WDPCP: variants seen among roughly 807,000 people sequenced by gnomAD.
The protein encoded by WDPCP is WD repeat containing planar cell polarity effector, also known as WD repeat-containing and planar cell polarity effector protein fritz homolog.
A neutral mutation model predicts 93.1 loss-of-function variants in WDPCP; 71 were observed. The observed-to-expected ratio is 0.76, with a 90% CI of 0.63 to 0.93. The LOEUF is 0.93. Ranked by LOEUF, WDPCP falls within the 40% of genes least tolerant of loss-of-function variation. The pLI is 0.00. For synonymous variants in WDPCP, 315 were observed against 315.0 expected, an observed-to-expected ratio of 1.00 and a Z score of 0.00; for missense variants, 844 against 887.4, an observed-to-expected ratio of 0.95 and a Z score of 0.62.
chr2:63,179,950 C>T (rs1317822269), intron 14 of WDPCP, among the ~76,000 whole-genome samples: 15 of 152,016 alleles, frequency 9.9e-5, no homozygotes, highest in Non-Finnish European at 2.2e-4. Flanking sequence ...TCCATGTGCA[C>T]TTGAAAATAA....
chr2:63,722,824 C>T (rs1252076943), intron 2 of WDPCP, among the ~76,000 whole-genome samples: 3 of 152,044 alleles, frequency 2.0e-5, no homozygotes, highest in East Asian at 3.9e-4. Flanking sequence ...ATGACAATGG[C>T]GGCTTTGTGG....
intron 9 of WDPCP, among the ~76,000 whole-genome samples, chr2:63,415,389 T>C (rs1044487289): frequency 6.6e-6 from 1 of 152,094 alleles, no homozygotes; most frequent in African/African-American, 2.4e-5. Context: ...TACTTGAATG[T>C]GCATAAGTTT....
intron 12 of WDPCP, among the ~76,000 whole-genome samples, chr2:63,326,620 A>AAGAGACAG (rs1221624811): frequency 1.3e-5 from 2 of 151,364 alleles, no homozygotes; most frequent in Non-Finnish European, 3.0e-5. Flanking sequence ...CAGAGAGAGG[A>AAGAGACAG]AGAGACAGAG....
intron 1 of WDPCP, among the ~76,000 whole-genome samples, chr2:63,826,215 A>T (rs1273721822): frequency 6.6e-6 from 1 of 151,878 alleles, no homozygotes; most frequent in Non-Finnish European, 1.5e-5. Context: ...GATACAGGAT[A>T]CTGTATCCTA....
chr2:63,462,810 A>G (rs778187396), intron 6 of WDPCP, among the ~76,000 whole-genome samples: 5 of 152,192 alleles, frequency 3.3e-5, no homozygotes, highest in Non-Finnish European at 4.4e-5. Context: ...TCTGGTTTCT[A>G]TAAATGGATG....
At chr2:63,279,200 A>C (rs1285821544) in intron 13 of WDPCP, among the ~76,000 whole-genome samples, 2 of 152,198 alleles carry the variant, frequency 1.3e-5, no homozygotes, top group East Asian at 3.8e-4. Context: ...CTACAGACAA[A>C]TATCTCTGAT....
chr2:63,335,993 A>G (rs532367631), intron 12 of WDPCP, among the ~76,000 whole-genome samples: 3 of 152,344 alleles, frequency 2.0e-5, no homozygotes, highest in African/African-American at 7.2e-5. Context: ...TGACAACATC[A>G]GGAAGTTACC....
At chr2:63,384,502 C>G (rs1457008542) in intron 10 of WDPCP, among the ~76,000 whole-genome samples, 1 of 152,072 alleles carries the variant, frequency 6.6e-6, no homozygotes, top group African/African-American at 2.4e-5. Context: ...CACATACACA[C>G]ACACACACGT....
At chr2:63,634,471 A>G (rs1355780645) in intron 3 of WDPCP, among the ~76,000 whole-genome samples, 1 of 152,212 alleles carries the variant, frequency 6.6e-6, no homozygotes. Context: ...ATCCAAGCAG[A>G]AAATCCATAA....
chr2:63,173,638 A>C (rs1362504593), intron 15 of WDPCP, among the ~76,000 whole-genome samples: 3 of 152,174 alleles, frequency 2.0e-5, no homozygotes, highest in African/African-American at 7.2e-5. Context: ...TTCATGAATA[A>C]ATGCTTCTCA....
intron 10 of WDPCP, among the ~76,000 whole-genome samples, chr2:63,385,187 A>G (rs1488854752): frequency 1.3e-5 from 2 of 152,180 alleles, no homozygotes; most frequent in African/African-American, 2.4e-5. Flanking sequence ...ATACCATCAT[A>G]CTTATAGTGA....
intron 2 of WDPCP, among the ~76,000 whole-genome samples, chr2:63,781,676 A>G (rs1189642459): frequency 6.6e-6 from 1 of 152,172 alleles, no homozygotes. Flanking sequence ...CAACAGAAGC[A>G]GGTATAAGAT....
At chr2:63,708,575 C>T (rs1020612298) in intron 2 of WDPCP, among the ~76,000 whole-genome samples, 3 of 152,130 alleles carry the variant, frequency 2.0e-5, no homozygotes, top group Admixed American at 6.5e-5. Context: ...TTGCGCTTCC[C>T]GGGTGAGGCG....
At chr2:63,508,433 A>C (rs1702023092) in intron 1 of WDPCP, among the ~76,000 whole-genome samples, 2 of 152,202 alleles carry the variant, frequency 1.3e-5, no homozygotes, top group African/African-American at 4.8e-5. Flanking sequence ...CTCCTGAAGG[A>C]AGCACTAAAT....
chr2:63,192,844 A>G (rs535273734), intron 14 of WDPCP, among the ~76,000 whole-genome samples: 1 of 152,374 alleles, frequency 6.6e-6, no homozygotes, highest in South Asian at 2.1e-4. Flanking sequence ...TTTCCAGTCT[A>G]AAATCTCCAA....
At chr2:63,571,112 C>T (rs140333087) in intron 1 of WDPCP, among the ~76,000 whole-genome samples, 87 of 151,948 alleles carry the variant, frequency 5.7e-4, no homozygotes, top group African/African-American at 1.9e-3. Context: ...AGGGTTTCAC[C>T]GTGTTAGCCA....
At chr2:63,567,531 C>T (rs1023666136) in intron 1 of WDPCP, among the ~76,000 whole-genome samples, 1 of 152,194 alleles carries the variant, frequency 6.6e-6, no homozygotes, top group South Asian at 2.1e-4. Flanking sequence ...ACGCCAGGCT[C>T]TCTCCCACCT....
At chr2:63,158,947 G>A (rs2103874007) in intron 15 of WDPCP, among the ~76,000 whole-genome samples, 1 of 142,552 alleles carries the variant, frequency 7.0e-6, no homozygotes, top group South Asian at 2.3e-4. Flanking sequence ...GACCAGCCTG[G>A]GTAACATGGT....
At chr2:63,607,148 A>G in intron 3 of WDPCP, 1 of 557,432 alleles carries the variant, frequency 1.8e-6, no homozygotes, top group Non-Finnish European at 3.0e-6. Flanking sequence ...ATGACAGTTT[A>G]TCGTCATGCT....
Sources: allele counts gnomAD v4.1 joint callset (sites outside exome capture counted in the v4.1 genomes callset), GRCh38; gene constraint gnomAD v4.1.1; transcripts MANE v1.5; gene names NCBI Gene and HGNC (gene_info 2026-07-23, HGNC 2026-07-21).